The following CYP3A43 variants were observed in gnomAD, a reference collection of about 807,000 sequenced individuals.
CYP3A43 encodes the protein cytochrome P450 3A43.
CYP3A43 carries 45 observed loss-of-function variants against 58.0 expected under a neutral mutation model. The ratio of observed to expected loss-of-function variants is 0.78; its 90% CI spans 0.61 to 0.99. The LOEUF (loss-of-function observed/expected upper bound fraction) is 0.99. Ranked by LOEUF, CYP3A43 falls within the 50% of genes least tolerant of loss-of-function variation. CYP3A43 has a pLI of 0.00. For missense variants in CYP3A43, 593 were observed against 591.9 expected, an observed-to-expected ratio of 1.00 and a Z score of -0.02; for synonymous variants, 191 against 201.4, an observed-to-expected ratio of 0.95 and a Z score of 0.44.
intron 1 of CYP3A43, among the ~76,000 whole-genome samples, chr7:99,834,254 G>A (rs1016023119): frequency 6.6e-6 from 1 of 152,120 alleles, no homozygotes; most frequent in Admixed American, 6.5e-5. Context: ...TGAGCATATA[G>A]ATGGGGGTAC....
Position 99,863,687 on chromosome 7 carries a change from T to C in CYP3A43, c.1404T>C (p.Cys468=). The C allele has an allele frequency of 6.2e-7, 1 of 1,602,868 alleles. No homozygotes were observed. Among genetic ancestry groups the C allele is most frequent in the Non-Finnish European group, 8.5e-7 (1 of 1,175,194 alleles). The change falls in exon 12 of 13, where the codon TGT becomes TGC. Residue 468 remains cysteine (C), a synonymous_variant. Coordinates refer to ENST00000354829, the MANE Select transcript of CYP3A43 (RefSeq NM_057095.3). The stretch of plus-strand genomic sequence containing the variant: ...TGCAGAACTTCTCCTTCAAACCTTG[T>C]AAAGAGACTCAGGTCAGTAAACTTT... The part of the protein sequence containing the change: ...RALQNFSFKP[C]KETQIPLKLD...
intron 7 of CYP3A43, among the ~76,000 whole-genome samples, chr7:99,850,501 CTG>C (rs1817720016): frequency 6.6e-6 from 1 of 151,968 alleles, no homozygotes; most frequent in Non-Finnish European, 1.5e-5. Context: ...ACCTTGTGAT[CTG>C]CCTGCCTCAG....
intron 12 of CYP3A43, 26 bp from the exon 13 acceptor site, chr7:99,865,880 T>C: frequency 6.8e-7 from 1 of 1,468,908 alleles, no homozygotes; most frequent in Non-Finnish European, 9.1e-7. Context: ...TCATTGTTTC[T>C]GAATATTCTT....
chr7:99,834,317 G>A (rs112220248), intron 1 of CYP3A43, among the ~76,000 whole-genome samples: 1 of 152,114 alleles, frequency 6.6e-6, no homozygotes, highest in Non-Finnish European at 1.5e-5. Context: ...AGTATTTAAT[G>A]ATTCTTTCAG....
rs149535630 is a variant in CYP3A43, at chr7:99,839,121, G to T, written c.167G>T (p.Gly56Val). 4 of 1,614,042 alleles carry T rather than the reference G, an allele frequency of 2.5e-6. No individual in the cohort carries two copies. Among genetic ancestry groups the T allele is most frequent in the South Asian group, 2.2e-5 (2 of 91,086 alleles). The change falls in exon 3 of 13, where the codon GGT becomes GTT. Residue 56 changes from glycine to valine, a missense_variant and splice_region_variant. Gly to Val is a moderately radical substitution (Grantham distance 109). Transcript: ENST00000354829. ...FLGTILFYLRGLWNFDRECNE... is the reference protein window; with the variant it reads ...FLGTILFYLRVLWNFDRECNE... ...ATTGTATTTTGTTTCTTCTGCCAGG[G>T]TCTTTGGAATTTTGACAGAGAATGT...
Position 99,865,981 on chromosome 7 carries a change from G to A in CYP3A43, c.1492G>A (p.Gly498Arg), listed in dbSNP as rs1259773525. Residue 498 changes from glycine to arginine, a missense_variant, in exon 13 of 13, where the codon GGG becomes AGG. Gly to Arg is a moderately radical substitution (Grantham distance 125, BLOSUM62 -2). Transcript: ENST00000354829. ...TGTTCTAAAAGTGCACTTAAGAGAT[G>A]GGATTACAAGTGGACCCTGACTTTC... Reference protein sequence around the residue: ...PIVLKVHLRDGITSGP With the variant: ...PIVLKVHLRDRITSGP 14 of 1,603,446 alleles carry A rather than the reference G, an allele frequency of 8.7e-6. No individual in the cohort carries two copies. Among genetic ancestry groups the A allele is most frequent in the Non-Finnish European group, 1.1e-5 (13 of 1,174,906 alleles).
In CYP3A43 at chr7:99,849,630, C is replaced by G; in HGVS notation, c.606C>G (p.Pro202=). The change falls in exon 7 of 13, where the codon CCC becomes CCG. Residue 202 remains proline (P), a synonymous_variant. Transcript: ENST00000354829. ...NLDSLNNPQD[P]FLKNMKKLLK... ...ATTCTCTCAACAATCCACAAGATCCCTTTCTGAAAAATATGAAGAAGCTTT... is the reference window on the plus strand; with the variant it reads ...ATTCTCTCAACAATCCACAAGATCCGTTTCTGAAAAATATGAAGAAGCTTT... 2 of 1,612,726 alleles carry G rather than the reference C, an allele frequency of 1.2e-6. No homozygotes were observed. Among genetic ancestry groups the G allele is most frequent in the Non-Finnish European group, 1.7e-6 (2 of 1,179,692 alleles).
At chr7:99,847,763 G>A (rs1263785785) in intron 5 of CYP3A43, 162 bp downstream of exon 5, 3 of 1,152,586 alleles carry the variant, frequency 2.6e-6, no homozygotes, top group Non-Finnish European at 3.7e-6. Flanking sequence ...TGTAATCCCA[G>A]CACTTTGGGA....
intron 1 of CYP3A43, among the ~76,000 whole-genome samples, chr7:99,834,935 A>C (rs937341373): frequency 3.9e-5 from 6 of 152,188 alleles, no homozygotes. Context: ...CATACATAGC[A>C]TGAGGAAATT....
chr7:99,837,434 C>T (rs1309266212), intron 2 of CYP3A43, among the ~76,000 whole-genome samples: 5 of 152,110 alleles, frequency 3.3e-5, no homozygotes, highest in Non-Finnish European at 7.4e-5. Flanking sequence ...TGTTAAATTC[C>T]CTGCAGGTAG....
At chr7:99,857,661 G>A (rs1818036914) in intron 9 of CYP3A43, among the ~76,000 whole-genome samples, 1 of 152,096 alleles carries the variant, frequency 6.6e-6, no homozygotes, top group African/African-American at 2.4e-5. Context: ...TGGCCAACAT[G>A]GCGAAACCCT....
chr7:99,844,717 A>G (rs542725881), intron 4 of CYP3A43, among the ~76,000 whole-genome samples: 80 of 152,092 alleles, frequency 5.3e-4, no homozygotes, highest in Non-Finnish European at 9.0e-4. Flanking sequence ...TTGTGCTTTT[A>G]CTGTAAGTCT....
Position 99,836,494 on chromosome 7 carries a change from T to A in CYP3A43, c.113T>A (p.Ile38Asn). The change falls in exon 2 of 13, where the codon ATT becomes AAT. Residue 38 changes from isoleucine (I) to asparagine (N), a missense_variant. Transcript: ENST00000354829. Reference protein sequence around the residue: ...HSHKLFKKLGIPGPTPLPFLG... With the variant: ...HSHKLFKKLGNPGPTPLPFLG... ...CATAAACTTTTTAAGAAGCTGGGAA[T>A]TCCTGGGCCAACCCCTCTGCCTTTT... is the stretch of plus-strand genomic sequence containing the variant. The A allele has an allele frequency of 6.2e-7, 1 of 1,610,342 alleles. No homozygotes were observed. The highest frequency in any genetic ancestry group is 8.5e-7 in the Non-Finnish European group (1 of 1,179,156).
chr7:99,829,551 T>G (rs1174868271), intron 1 of CYP3A43, among the ~76,000 whole-genome samples: 1 of 152,170 alleles, frequency 6.6e-6, no homozygotes, highest in African/African-American at 2.4e-5. Context: ...GATCTGGCCC[T>G]AAGGAGCTAT....
chr7:99,851,656 C>T (rs1817766102), intron 7 of CYP3A43, among the ~76,000 whole-genome samples: 1 of 152,160 alleles, frequency 6.6e-6, no homozygotes, highest in African/African-American at 2.4e-5. Flanking sequence ...GAGTTCTTTA[C>T]ATATTCTACA....
At chr7:99,831,417 G>A (rs1193665349) in intron 1 of CYP3A43, among the ~76,000 whole-genome samples, 1 of 152,268 alleles carries the variant, frequency 6.6e-6, no homozygotes, top group East Asian at 1.9e-4. Flanking sequence ...CTCTCTTTCA[G>A]CTGAAAGCAC....
At chr7:99,865,139 T>C (rs1001744119) in intron 12 of CYP3A43, among the ~76,000 whole-genome samples, 1 of 148,308 alleles carries the variant, frequency 6.7e-6, no homozygotes, top group Non-Finnish European at 1.5e-5. Context: ...CTGGCACACA[T>C]GGGATGGGGT....
At chr7:99,836,420 T>A (rs1817079236) in intron 1 of CYP3A43, 33 bp from the exon 2 acceptor site, 1 of 1,576,566 alleles carries the variant, frequency 6.3e-7, no homozygotes, top group South Asian at 1.1e-5. Flanking sequence ...AAGTTACAAT[T>A]TCTGTAACCT....
At chr7:99,840,347 C>T (rs1041087563) in intron 3 of CYP3A43, among the ~76,000 whole-genome samples, 3 of 152,178 alleles carry the variant, frequency 2.0e-5, no homozygotes, top group Non-Finnish European at 4.4e-5. Flanking sequence ...TCTGTTGACT[C>T]ACACCTTGAT....
Sources: gnomAD v4.1 joint callset for allele counts (sites outside exome capture counted in the v4.1 genomes callset) on GRCh38, gnomAD v4.1.1 for gene constraint, MANE v1.5 for transcripts, NCBI Gene and HGNC (gene_info 2026-07-23, HGNC 2026-07-21) for gene names.